Variants in HIPK2 observed in about 807,000 individuals in gnomAD.
HIPK2 encodes the protein homeodomain-interacting protein kinase 2.
In HIPK2, 27 loss-of-function variants were observed where a neutral mutation model predicts 113.7. The ratio of observed to expected loss-of-function variants is 0.24; its 90% confidence interval spans 0.17 to 0.33. The LOEUF (loss-of-function observed/expected upper bound fraction) is 0.33. HIPK2 is among the 10% of genes least tolerant of loss of function. HIPK2 has a pLI of 1.00. For missense variants in HIPK2, 1,257 were observed against 1,588.0 expected (o/e 0.79, Z 3.54); for synonymous variants, 631 against 642.2 (o/e 0.98, Z 0.26).
At chr7:139,729,819 G>T (rs1239318499) in intron 1 of HIPK2, among the ~76,000 whole-genome samples, 1 of 152,142 alleles carries the variant, frequency 6.6e-6, no homozygotes, top group Non-Finnish European at 1.5e-5. Flanking sequence ...TCTAAATAAG[G>T]ACGGTTAAAG....
chr7:139,569,282 C>T lies in HIPK2; in HGVS notation c.*3645G>A, dbSNP rs1021646924. ...CACCTGCCAGTCACTCTTACGCCAC[C>T]TCACTGTGCCCAGCAGCTTCTGGGA... On this transcript the variant is annotated 3_prime_UTR_variant, in exon 15 of 15. Coordinates refer to ENST00000406875, the MANE Select transcript of HIPK2 (RefSeq NM_022740.5). 1 of 152,202 alleles carries T rather than the reference C, an allele frequency of 6.6e-6. No homozygotes were observed. Among genetic ancestry groups the T allele is most frequent in the African/African-American group, 2.4e-5 (1 of 41,418 alleles). 9.4% of individuals were successfully genotyped at this position (152,202 alleles called of 1,614,324 possible). A position where few individuals can be genotyped will look rare whatever the true frequency, so the allele number is the denominator to read the frequency against.
intron 2 of HIPK2, among the ~76,000 whole-genome samples, chr7:139,708,923 C>T (rs749086847): frequency 6.6e-5 from 10 of 151,920 alleles, no homozygotes; most frequent in Non-Finnish European, 1.5e-4. Context: ...TGTGTGTGCA[C>T]CTGTGTGTGT....
At position 139,707,168 on chromosome 7, in the gene HIPK2, C is replaced by T. The variant is rs370340919; in HGVS notation, c.1103+8764G>A. ...ATGGGGCTTACTCCTCTCAGCATCACTCTCCCGATTCCCTTAGGCCTGTGA... is the reference window on the plus strand; with the variant it reads ...ATGGGGCTTACTCCTCTCAGCATCATTCTCCCGATTCCCTTAGGCCTGTGA... On this transcript the variant is annotated intron_variant, in intron 2 of 14. Transcript: ENST00000406875. Among the ~76,000 whole-genome samples the T allele has an allele frequency of 3.9e-5, 6 of 152,384 alleles. No homozygotes were observed. The South Asian group carries it at 1.2e-3, about 32-fold the overall frequency.
rs1797951608 is a variant in HIPK2, at chr7:139,561,670, T to TAAG, written c.*11254_*11256dup. 6.6e-6 allele frequency: 1 copy of TAAG among 151,718 alleles called. No individual in the cohort carries two copies. Among genetic ancestry groups the TAAG allele is most frequent in the Non-Finnish European group, 1.5e-5 (1 of 68,002 alleles). 9.4% of individuals were successfully genotyped at this position (151,718 alleles called of 1,614,324 possible). A position where few individuals can be genotyped will look rare whatever the true frequency, so the allele number is the denominator to read the frequency against. ...ATGTGAGTTTACAAATTTTAATTAA[T>TAAG]AAGTCATTTCACCTCGGAGACCGAA... is the stretch of plus-strand genomic sequence containing the variant. On this transcript the variant is annotated 3_prime_UTR_variant, in exon 15 of 15. Transcript: ENST00000406875.
chr7:139,633,111 AAAAAAAAAG>A (rs1276685045), intron 2 of HIPK2, among the ~76,000 whole-genome samples: 2 of 150,414 alleles, frequency 1.3e-5, no homozygotes, highest in Non-Finnish European at 3.0e-5. Flanking sequence ...AAAAAAAAAA[AAAAAAAAAG>A]AAAGAAAGTA....
intron 2 of HIPK2, among the ~76,000 whole-genome samples, chr7:139,677,222 GA>G (rs2116683647): frequency 6.7e-6 from 1 of 150,312 alleles, no homozygotes; most frequent in Non-Finnish European, 1.5e-5. Flanking sequence ...TGTAGAGAGA[GA>G]GGGGCTGATA....
chr7:139,657,295 G>A (rs1470483151), intron 2 of HIPK2, among the ~76,000 whole-genome samples: 5 of 152,192 alleles, frequency 3.3e-5, no homozygotes, highest in South Asian at 2.1e-4. Context: ...GAGGTACTAC[G>A]TCAGTCAGAG....
chr7:139,724,256 C>T (rs189812500), intron 1 of HIPK2, among the ~76,000 whole-genome samples: 7 of 152,214 alleles, frequency 4.6e-5, no homozygotes, highest in Middle Eastern at 6.8e-3. Context: ...TCAAAAAGTA[C>T]TTGGAAAGTT....
Position 139,564,244 on chromosome 7 carries a change from G to A in HIPK2, c.*8683C>T. 1 of 274,464 alleles carries A rather than the reference G, an allele frequency of 3.6e-6. No homozygotes were observed. The allele number at this position is 274,464 out of a possible 1,614,324, so 17.0% of individuals were successfully genotyped here. On this transcript the variant is annotated 3_prime_UTR_variant, in exon 15 of 15. Transcript: ENST00000406875. ...AGCAGATATATGGAAAACCCAGCCA[G>A]CGACCATGGGAATAGGGGTATATGG...
chr7:139,665,606 C>CCATT (rs1409834470), intron 2 of HIPK2, among the ~76,000 whole-genome samples: 1 of 129,168 alleles, frequency 7.7e-6, no homozygotes, highest in African/African-American at 2.7e-5. Flanking sequence ...ATCCATCCAT[C>CCATT]CACCCATGGT....
At chr7:139,707,090 G>A (rs1469175857) in intron 2 of HIPK2, among the ~76,000 whole-genome samples, 2 of 152,210 alleles carry the variant, frequency 1.3e-5, no homozygotes, top group African/African-American at 4.8e-5. Flanking sequence ...GGAGGCCTCG[G>A]GCAGGCTCCT....
intron 2 of HIPK2, among the ~76,000 whole-genome samples, chr7:139,702,982 A>G (rs1794757758): frequency 6.6e-6 from 1 of 152,162 alleles, no homozygotes; most frequent in Admixed American, 6.5e-5. Flanking sequence ...TTGTTTTCGT[A>G]GGTTCCCCTG....
chr7:139,741,422 C>G (rs1309357255), intron 1 of HIPK2, among the ~76,000 whole-genome samples: 3 of 152,120 alleles, frequency 2.0e-5, no homozygotes, highest in Non-Finnish European at 4.4e-5. Flanking sequence ...TCACCTTTGC[C>G]CCCTCGGGAC....
intron 2 of HIPK2, among the ~76,000 whole-genome samples, chr7:139,688,140 T>C (rs1794284639): frequency 6.6e-6 from 1 of 152,004 alleles, no homozygotes; most frequent in Non-Finnish European, 1.5e-5. Flanking sequence ...GACAATCCAC[T>C]GGGCACACAC....
At position 139,619,620 on chromosome 7, in the gene HIPK2, C is replaced by T. The variant is rs1585286004; in HGVS notation, c.1782+781G>A. Among the ~76,000 whole-genome samples, 6 of 152,264 alleles carry T rather than the reference C, an allele frequency of 3.9e-5. No individual in the cohort carries two copies. The South Asian group carries it at 1.2e-3, about 32-fold the overall frequency. ...TTTTCTCCATGACTCGGAGAAAGGA[C>T]AGGGTTTATCTGTCCCAAAAGGAGA... is the stretch of plus-strand genomic sequence containing the variant. On this transcript the variant is annotated intron_variant, in intron 7 of 14. Coordinates refer to ENST00000406875, the MANE Select transcript of HIPK2 (RefSeq NM_022740.5).
rs990314481 is a variant in HIPK2, at chr7:139,562,883, C to G, written c.*10044G>C. The G allele has an allele frequency of 2.6e-5, 4 of 152,250 alleles. No homozygotes were observed. The highest frequency in any genetic ancestry group is 9.6e-5 in the African/African-American group (4 of 41,462). The allele number at this position is 152,250 out of a possible 1,614,324, so 9.4% of individuals were successfully genotyped here. ...CAAACATATATATCAACATCTATCT[C>G]TATACAGTGATTCTACTAAATTAGA... On this transcript the variant is annotated 3_prime_UTR_variant, in exon 15 of 15. Coordinates refer to ENST00000406875, the MANE Select transcript of HIPK2 (RefSeq NM_022740.5).
At chr7:139,632,949 A>G (rs1800670005) in intron 2 of HIPK2, among the ~76,000 whole-genome samples, 1 of 151,874 alleles carries the variant, frequency 6.6e-6, no homozygotes, top group African/African-American at 2.4e-5. Flanking sequence ...AACCCAAATT[A>G]GCAGGGTGCG....
chr7:139,679,318 A>C (rs1167412144), intron 2 of HIPK2, among the ~76,000 whole-genome samples: 1 of 152,146 alleles, frequency 6.6e-6, no homozygotes, highest in African/African-American at 2.4e-5. Context: ...TCACGGCCTA[A>C]TCACCTCTTA....
chr7:139,763,501 C>T (rs377443139), intron 1 of HIPK2, among the ~76,000 whole-genome samples: 23 of 143,972 alleles, frequency 1.6e-4, no homozygotes, highest in Non-Finnish European at 3.3e-4. Context: ...CCTCCCACCA[C>T]GTGACTCGTG....
Sources: gnomAD v4.1 joint callset for allele counts (sites outside exome capture counted in the v4.1 genomes callset) on GRCh38, gnomAD v4.1.1 for gene constraint, MANE v1.5 for transcripts, NCBI Gene and HGNC (gene_info 2026-07-23, HGNC 2026-07-21) for gene names.